The following CNTNAP5 variants were observed in gnomAD, a reference collection of about 807,000 sequenced individuals.
CNTNAP5 encodes contactin-associated protein-like 5.
Under a neutral mutation model 150.2 loss-of-function variants are expected in CNTNAP5, and 72 were observed. The ratio of observed to expected loss-of-function variants is 0.48; its 90% CI spans 0.40 to 0.58. The LOEUF (loss-of-function observed/expected upper bound fraction) is 0.58. Among genes scored for constraint, CNTNAP5 ranks in the 20% least tolerant of loss-of-function variants. CNTNAP5 has a pLI of 0.00. For synonymous variants in CNTNAP5, 672 were observed against 619.8 expected (o/e 1.08, Z -1.25); for missense variants, 1,636 against 1,626.2 (o/e 1.01, Z -0.10).
At position 124,816,473 on chromosome 2, in the gene CNTNAP5, C is replaced by CTTTTT. The variant is rs34089178; in HGVS notation, c.3217+18170_3217+18174dup. Reference sequence around the variant, plus strand: ...CACTCCCTATTGGCCTTGCAGCTTACTTTTTTTTTTTTTTTTTTTTTGAGA... The same window carrying CTTTTT: ...CACTCCCTATTGGCCTTGCAGCTTACTTTTTTTTTTTTTTTTTTTTTTTTTTGAGA... On this transcript the variant is annotated intron_variant, in intron 19 of 23. Coordinates refer to ENST00000682447, the MANE Select transcript of CNTNAP5 (RefSeq NM_001367498.1). Among the ~76,000 whole-genome samples, 72 of 107,626 alleles carry CTTTTT rather than the reference C, an allele frequency of 6.7e-4. 2 individuals carry two copies. Among genetic ancestry groups the CTTTTT allele is most frequent in the African/African-American group, 1.9e-3 (52 of 26,770 alleles). 70.6% of individuals were successfully genotyped at this position (107,626 alleles called of 152,430 possible).
chr2:124,697,746 TTCA>T (rs1679434057), intron 13 of CNTNAP5, among the ~76,000 whole-genome samples: 1 of 152,186 alleles, frequency 6.6e-6, no homozygotes, highest in Non-Finnish European at 1.5e-5. Flanking sequence ...ACACCAATGC[TTCA>T]TCATCTGTTA....
At chr2:124,328,394 G>A (rs921310138) in intron 3 of CNTNAP5, among the ~76,000 whole-genome samples, 53 of 152,126 alleles carry the variant, frequency 3.5e-4, no homozygotes, top group African/African-American at 1.3e-3. Flanking sequence ...AAAGTATCTT[G>A]CTTCTTACTC....
At chr2:124,274,494 GT>G (rs57417186) in intron 3 of CNTNAP5, among the ~76,000 whole-genome samples, 2 of 151,176 alleles carry the variant, frequency 1.3e-5, no homozygotes, top group Admixed American at 6.6e-5. Context: ...AGACAATCAG[GT>G]TTTTTTTTCC....
At chr2:124,254,428 G>A (rs756736516) in intron 3 of CNTNAP5, among the ~76,000 whole-genome samples, 5 of 152,116 alleles carry the variant, frequency 3.3e-5, no homozygotes, top group South Asian at 2.1e-4. Context: ...TGGCTCCTGC[G>A]CAGTCCAGCC....
chr2:124,259,006 C>G (rs528589924), intron 3 of CNTNAP5, among the ~76,000 whole-genome samples: 1 of 126,772 alleles, frequency 7.9e-6, no homozygotes, highest in South Asian at 2.9e-4. Flanking sequence ...ATCCCTCCCC[C>G]CTCCCCCCAC....
At chr2:124,761,591 A>C (rs1475035071) in intron 14 of CNTNAP5, among the ~76,000 whole-genome samples, 1 of 152,062 alleles carries the variant, frequency 6.6e-6, no homozygotes, top group Non-Finnish European at 1.5e-5. Context: ...TTTTATACTT[A>C]TCTCTCTTTC....
chr2:124,312,265 T>C (rs1688848188), intron 3 of CNTNAP5, among the ~76,000 whole-genome samples: 1 of 152,386 alleles, frequency 6.6e-6, no homozygotes, highest in South Asian at 2.1e-4. Context: ...GTTAGAGATA[T>C]ATGGGATTGA....
intron 1 of CNTNAP5, among the ~76,000 whole-genome samples, chr2:124,130,106 A>C (rs1167845822): frequency 6.6e-6 from 1 of 152,160 alleles, no homozygotes; most frequent in Non-Finnish European, 1.5e-5. Flanking sequence ...TTTCCTTTTC[A>C]CCATTGACAA....
At position 124,915,800 on chromosome 2, in the gene CNTNAP5, A is replaced by G; in HGVS notation, c.*1512A>G. Among the ~76,000 whole-genome samples, 1 of 152,032 alleles carries G rather than the reference A, an allele frequency of 6.6e-6. No homozygotes were observed. Among genetic ancestry groups the G allele is most frequent in the East Asian group, 1.9e-4 (1 of 5,162 alleles). On this transcript the variant is annotated 3_prime_UTR_variant, in exon 24 of 24. Coordinates refer to ENST00000682447, the MANE Select transcript of CNTNAP5 (RefSeq NM_001367498.1). Reference sequence around the variant, plus strand: ...ATCTTAATGATTTTTCTGTGGCAATATGCATCATTCTTTGTCCTGGGCCAT... The same window carrying G: ...ATCTTAATGATTTTTCTGTGGCAATGTGCATCATTCTTTGTCCTGGGCCAT...
At chr2:124,634,107 T>C (rs1677923021) in intron 12 of CNTNAP5, among the ~76,000 whole-genome samples, 2 of 152,218 alleles carry the variant, frequency 1.3e-5, no homozygotes, top group African/African-American at 4.8e-5. Context: ...TGCTCCTCTT[T>C]ACTTATGCAA....
At chr2:124,085,735 A>G (rs1184431747) in intron 1 of CNTNAP5, among the ~76,000 whole-genome samples, 1 of 152,100 alleles carries the variant, frequency 6.6e-6, no homozygotes, top group Non-Finnish European at 1.5e-5. Flanking sequence ...ATTTTTTATT[A>G]CACCTGAGCC....
At chr2:124,541,208 A>ATTTTTTT (rs1695377417) in intron 10 of CNTNAP5, among the ~76,000 whole-genome samples, 7 of 61,628 alleles carry the variant, frequency 1.1e-4, no homozygotes, top group African/African-American at 1.9e-4. Flanking sequence ...GTGAGAAGAA[A>ATTTTTTT]TTTTTTCACT....
rs531578989 is a variant in CNTNAP5 at position 124,539,664 on chromosome 2, G to A, written c.1649+12208G>A. Among the ~76,000 whole-genome samples, 36 of 152,298 alleles carry A rather than the reference G, an allele frequency of 2.4e-4. No individual in the cohort carries two copies. In the East Asian group the frequency reaches 6.8e-3, roughly 29 times the overall value. Reference sequence around the variant, plus strand: ...GCCTGCCTCTTGGAATTTTGGCAAGGATTGACTGAGATCGGAAAGAAAAGT... The same window carrying A: ...GCCTGCCTCTTGGAATTTTGGCAAGAATTGACTGAGATCGGAAAGAAAAGT... On this transcript the variant is annotated intron_variant, in intron 10 of 23. Coordinates refer to ENST00000682447, the MANE Select transcript of CNTNAP5 (RefSeq NM_001367498.1).
chr2:124,358,112 G>A (rs901421255), intron 3 of CNTNAP5, among the ~76,000 whole-genome samples: 26 of 151,834 alleles, frequency 1.7e-4, no homozygotes, highest in Admixed American at 3.9e-4. Context: ...TCTGTCTGTT[G>A]TTGGTGTATA....
intron 11 of CNTNAP5, among the ~76,000 whole-genome samples, chr2:124,564,507 C>A (rs1293275020): frequency 1.3e-5 from 2 of 152,070 alleles, no homozygotes; most frequent in African/African-American, 2.4e-5. Flanking sequence ...AGGTGCACAC[C>A]ACCACACCGG....
intron 8 of CNTNAP5, among the ~76,000 whole-genome samples, chr2:124,507,764 C>A (rs904056145): frequency 6.6e-6 from 1 of 152,162 alleles, no homozygotes. Context: ...CTTTGCAGGG[C>A]TACTTCTTTT....
intron 3 of CNTNAP5, among the ~76,000 whole-genome samples, chr2:124,374,175 A>C (rs1386732309): frequency 6.7e-6 from 1 of 148,170 alleles, no homozygotes; most frequent in East Asian, 1.9e-4. Flanking sequence ...CAATACATTA[A>C]AAACAATTAT....
chr2:124,108,496 T>A (rs994703870), intron 1 of CNTNAP5, among the ~76,000 whole-genome samples: 1 of 152,114 alleles, frequency 6.6e-6, no homozygotes, highest in Non-Finnish European at 1.5e-5. Context: ...TCTCAGGCCA[T>A]CTCTCTGTCT....
At chr2:124,779,706 T>C (rs1419457445) in intron 17 of CNTNAP5, among the ~76,000 whole-genome samples, 1 of 152,206 alleles carries the variant, frequency 6.6e-6, no homozygotes, top group Non-Finnish European at 1.5e-5. Flanking sequence ...TTTTGCTTCA[T>C]TACCCTTTGA....
Sources: gnomAD v4.1 joint callset for allele counts (sites outside exome capture counted in the v4.1 genomes callset) on GRCh38, gnomAD v4.1.1 for gene constraint, MANE v1.5 for transcripts, NCBI Gene and HGNC (gene_info 2026-07-23, HGNC 2026-07-21) for gene names.